COL12A1: variants seen among roughly 807,000 people sequenced by gnomAD.
The protein encoded by COL12A1 is collagen alpha-1(XII) chain.
In COL12A1, 114 loss-of-function variants were observed where a neutral mutation model predicts 349.7. The ratio of observed to expected loss-of-function variants is 0.33; its 90% confidence interval spans 0.28 to 0.38. The LOEUF is 0.38. COL12A1 is among the 10% of genes least tolerant of loss of function. The pLI, the probability that COL12A1 is intolerant of heterozygous loss-of-function variation, is 1.00. For missense variants in COL12A1, 3,284 were observed against 3,756.9 expected (o/e 0.87, Z 3.29); for synonymous variants, 1,369 against 1,329.0 (o/e 1.03, Z -0.66).
intron 2 of COL12A1, among the ~76,000 whole-genome samples, chr6:75,197,949 C>G (rs1030820241): frequency 6.6e-6 from 1 of 152,134 alleles, no homozygotes; most frequent in African/African-American, 2.4e-5. Flanking sequence ...TGAGTGTTCT[C>G]TATAACAGGC....
At chr6:75,201,667 T>C (rs1376440527) in intron 2 of COL12A1, among the ~76,000 whole-genome samples, 3 of 152,198 alleles carry the variant, frequency 2.0e-5, no homozygotes, top group African/African-American at 7.2e-5. Flanking sequence ...ATTACCCCAT[T>C]TTCTTTGCAG....
At chr6:75,099,861 C>T (rs1045789986) in intron 58 of COL12A1, among the ~76,000 whole-genome samples, 1 of 152,204 alleles carries the variant, frequency 6.6e-6, no homozygotes, top group Non-Finnish European at 1.5e-5. Context: ...GCTAACAAGT[C>T]TTCATTCCTC....
intron 60 of COL12A1, among the ~76,000 whole-genome samples, chr6:75,094,063 G>T (rs1767892333): frequency 6.6e-6 from 1 of 152,134 alleles, no homozygotes; most frequent in African/African-American, 2.4e-5. Context: ...TTAGGTTGGT[G>T]CAAACGTAAT....
intron 10 of COL12A1, among the ~76,000 whole-genome samples, chr6:75,181,709 A>G (rs1769303075): frequency 1.3e-5 from 2 of 152,216 alleles, no homozygotes. Flanking sequence ...TCATAGAAAG[A>G]GACAATGTTT....
At position 75,087,610 on chromosome 6, in the gene COL12A1, C is replaced by T. The variant is rs1408621028; in HGVS notation, c.9148G>A (p.Ala3050Thr). The T allele has an allele frequency of 1.2e-6, 2 of 1,613,748 alleles. No individual in the cohort carries two copies. The highest frequency in any genetic ancestry group is 2.2e-5 in the East Asian group (1 of 44,860). ...PPGYCDSSQC[A>T]SIPYNGQGYP... The stretch of plus-strand genomic sequence containing the variant: ...CCTTGCCCGTTGTATGGGATGCTGG[C>T]ACACTGAGAAGAATCACAGTATCCA... Residue 3050 changes from alanine to threonine, a missense_variant, in exon 65 of 66, where the codon GCC becomes ACC. By Grantham distance (58) the Ala-to-Thr change is moderately conservative. Around this residue, in one of 2 missense-constraint regions of COL12A1, gnomAD observed 683 missense variants for 932.1 expected, o/e 0.73. Transcript: ENST00000322507.
At chr6:75,196,973 A>G (rs1007594717) in intron 2 of COL12A1, among the ~76,000 whole-genome samples, 37 of 152,246 alleles carry the variant, frequency 2.4e-4, no homozygotes, top group African/African-American at 8.9e-4. Flanking sequence ...AGGTGTTCAT[A>G]GAAACTGTGA....
At position 75,196,094 on chromosome 6, in the gene COL12A1, T is replaced by G. The variant is rs1770214432; in HGVS notation, c.74-1147A>C. ...TACACAAAGACGTTTCCTAAATATT[T>G]TATAATGATATTCTCTCTACAATGT... is the stretch of plus-strand genomic sequence containing the variant. On this transcript the variant is annotated intron_variant, in intron 2 of 65. Transcript: ENST00000322507. Among the ~76,000 whole-genome samples, 3 of 152,214 alleles carry G rather than the reference T, an allele frequency of 2.0e-5. No individual in the cohort carries two copies. The South Asian group carries it at 6.2e-4, about 32-fold the overall frequency.
At chr6:75,198,120 T>C (rs1236385690) in intron 2 of COL12A1, among the ~76,000 whole-genome samples, 2 of 152,348 alleles carry the variant, frequency 1.3e-5, no homozygotes, top group Admixed American at 1.3e-4. Context: ...AACATACAGT[T>C]TTCTACTGTA....
Position 75,115,896 on chromosome 6 carries a change from G to T in COL12A1, c.7585C>A (p.Leu2529Met). 6.2e-7 allele frequency: 1 copy of T among 1,613,330 alleles called. No individual in the cohort carries two copies. The change falls in exon 49 of 66, where the codon CTG (leucine) becomes ATG (methionine). Residue 2529 changes from leucine (L) to methionine (M), a missense_variant. Physicochemically the swap from Leu to Met is conservative, Grantham distance 15. Coordinates refer to ENST00000322507, the MANE Select transcript of COL12A1 (RefSeq NM_004370.6). Reference protein sequence around the residue: ...PGFKMLEAYNLTEKNFASVQG... With the variant: ...PGFKMLEAYNMTEKNFASVQG... ...ACAGAAGCAAAATTCTTTTCTGTCA[G>T]GTTGTATGCTTCAAGCATTTTAAAA...
chr6:75,128,197 T>C (rs9343271), intron 38 of COL12A1, 99 bp downstream of exon 38: 25,702 of 1,045,190 alleles, frequency 0.025, 1,133 homozygotes, highest in East Asian at 0.21. Flanking sequence ...TGAGATGTAT[T>C]GGTAAAGATA....
intron 31 of COL12A1, among the ~76,000 whole-genome samples, chr6:75,135,755 AC>A (rs2149391579): frequency 6.6e-6 from 1 of 152,338 alleles, no homozygotes; most frequent in South Asian, 2.1e-4. Context: ...CTCAATACGG[AC>A]AAACTGAACT....
At chr6:75,099,207 C>G (rs1185736813) in intron 58 of COL12A1, among the ~76,000 whole-genome samples, 1 of 152,120 alleles carries the variant, frequency 6.6e-6, no homozygotes, top group Non-Finnish European at 1.5e-5. Context: ...TGGAAATATT[C>G]CACTTCCCCA....
At chr6:75,162,162 G>A (rs1430277546) in intron 14 of COL12A1, among the ~76,000 whole-genome samples, 1 of 152,060 alleles carries the variant, frequency 6.6e-6, no homozygotes, top group African/African-American at 2.4e-5. Context: ...TTAAATTTCA[G>A]ATGGAACCAA....
At chr6:75,203,036 G>A (rs1269927772) in intron 1 of COL12A1, among the ~76,000 whole-genome samples, 1 of 152,226 alleles carries the variant, frequency 6.6e-6, no homozygotes, top group Non-Finnish European at 1.5e-5. Flanking sequence ...GGAAGTTCAA[G>A]TTTAAAAAGG....
At position 75,089,099 on chromosome 6, in the gene COL12A1, A is replaced by C; in HGVS notation, c.9010+7T>G. ...TCTTTGCCTGTTTAAAATACTAGCA[A>C]ACCTACCTGGGGGGCCAGGCAGCCC... On this transcript the variant is annotated splice_region_variant and intron_variant, in intron 64 of 65. Coordinates refer to ENST00000322507, the MANE Select transcript of COL12A1 (RefSeq NM_004370.6). The C allele has an allele frequency of 6.2e-7, 1 of 1,607,160 alleles. No individual in the cohort carries two copies. The highest frequency in any genetic ancestry group is 8.5e-7 in the Non-Finnish European group (1 of 1,176,292).
chr6:75,190,788 A>G (rs939680577), intron 5 of COL12A1, among the ~76,000 whole-genome samples: 1 of 151,982 alleles, frequency 6.6e-6, no homozygotes, highest in African/African-American at 2.4e-5. Flanking sequence ...TACAAGTTGT[A>G]TGCTTAAATA....
Position 75,191,757 on chromosome 6 carries a change from T to G in COL12A1, c.338A>C (p.Gln113Pro). 6.3e-7 allele frequency: 1 copy of G among 1,590,352 alleles called. No homozygotes were observed. The change falls in exon 5 of 66, where the codon CAA becomes CCA. Residue 113 changes from glutamine (Q) to proline (P), a missense_variant. Gln to Pro is a moderately conservative substitution (Grantham distance 76). This residue lies in a region of COL12A1 where 2,601 missense variants were observed against 2,824.8 expected (regional missense o/e 0.92). Coordinates refer to ENST00000322507, the MANE Select transcript of COL12A1 (RefSeq NM_004370.6). ...CACTGGCTTTGTCGAACTACCTGTT[T>G]GAACTAAGTTAAAACTTTATTATTA... ...SVPVIGQLTI[Q>P]TGSSTKPVEK...
intron 58 of COL12A1, among the ~76,000 whole-genome samples, chr6:75,099,152 C>T (rs1768187978): frequency 6.6e-6 from 1 of 152,182 alleles, no homozygotes; most frequent in Non-Finnish European, 1.5e-5. Flanking sequence ...TTTATTAGTA[C>T]ATTGACTTTA....
At chr6:75,205,223 G>A (rs1472371226) in intron 1 of COL12A1, among the ~76,000 whole-genome samples, 4 of 148,992 alleles carry the variant, frequency 2.7e-5, no homozygotes, top group African/African-American at 5.0e-5. Flanking sequence ...CCACCATCTC[G>A]GATGCTCTGA....
Sources: gnomAD v4.1 joint callset for allele counts (sites outside exome capture counted in the v4.1 genomes callset) on GRCh38, gnomAD v4.1.1 for gene constraint, gnomAD v4.1.1 regional missense constraint, MANE v1.5 for transcripts, NCBI Gene and HGNC (gene_info 2026-07-23, HGNC 2026-07-21) for gene names.